Variants in PDE4B observed in about 807,000 individuals in gnomAD.
PDE4B encodes 3',5'-cyclic-AMP phosphodiesterase 4B.
In PDE4B, 20 loss-of-function variants were observed where a neutral mutation model predicts 82.2. The ratio of observed to expected loss-of-function variants is 0.24; its 90% CI spans 0.17 to 0.35. The LOEUF (loss-of-function observed/expected upper bound fraction) is 0.35. Among genes scored for constraint, PDE4B ranks in the 10% least tolerant of loss-of-function variants. PDE4B has a pLI of 1.00. For missense variants in PDE4B, 655 were observed against 907.2 expected (o/e 0.72, Z 3.57); for synonymous variants, 320 against 318.9 (o/e 1.00, Z -0.04).
At chr1:65,842,604 T>C (rs1646220236) in intron 1 of PDE4B, among the ~76,000 whole-genome samples, 1 of 152,140 alleles carries the variant, frequency 6.6e-6, no homozygotes, top group Non-Finnish European at 1.5e-5. Context: ...TCATCCGACT[T>C]GTTATTCCAA....
At chr1:66,013,087 T>C (rs1652575815) in intron 3 of PDE4B, among the ~76,000 whole-genome samples, 1 of 152,176 alleles carries the variant, frequency 6.6e-6, no homozygotes, top group African/African-American at 2.4e-5. Context: ...GTGCTATGAC[T>C]GAATGTGTTC....
chr1:65,887,542 A>G (rs180990735), intron 1 of PDE4B, among the ~76,000 whole-genome samples: 21 of 142,748 alleles, frequency 1.5e-4, no homozygotes, highest in African/African-American at 5.2e-4. Flanking sequence ...CTTAGCCTCC[A>G]GAGTAGCCAG....
intron 1 of PDE4B, among the ~76,000 whole-genome samples, chr1:65,810,575 A>G (rs2101196257): frequency 1.3e-5 from 2 of 152,256 alleles, no homozygotes; most frequent in Middle Eastern, 3.4e-3. Context: ...AGTATGTTCC[A>G]GGTATATAAC....
At chr1:66,366,312 G>A (rs1021438566) in intron 13 of PDE4B, among the ~76,000 whole-genome samples, 20 of 152,254 alleles carry the variant, frequency 1.3e-4, no homozygotes, top group Admixed American at 2.0e-4. Context: ...TATGGATTGG[G>A]AGTAGCAATG....
intron 1 of PDE4B, among the ~76,000 whole-genome samples, chr1:65,879,074 AG>A (rs1646681313): frequency 1.3e-5 from 2 of 152,132 alleles, no homozygotes; most frequent in Admixed American, 6.6e-5. Context: ...AGACACAGAA[AG>A]GTCACACCCT....
chr1:65,820,042 T>C (rs550485055), intron 1 of PDE4B, among the ~76,000 whole-genome samples: 2 of 152,268 alleles, frequency 1.3e-5, no homozygotes, highest in Admixed American at 6.5e-5. Context: ...AGGGGAGTTA[T>C]GGGGGCAACT....
chr1:65,898,251 C>A (rs544546925), intron 1 of PDE4B, among the ~76,000 whole-genome samples: 3 of 151,926 alleles, frequency 2.0e-5, no homozygotes, highest in African/African-American at 7.2e-5. Flanking sequence ...GCATACTTTG[C>A]AAATATTTTC....
At chr1:65,839,622 G>T (rs1316312403) in intron 1 of PDE4B, among the ~76,000 whole-genome samples, 2 of 152,128 alleles carry the variant, frequency 1.3e-5, no homozygotes, top group Non-Finnish European at 2.9e-5. Context: ...TGGCTGCATA[G>T]TATTATATGA....
At chr1:66,056,619 A>G (rs1459937348) in intron 3 of PDE4B, among the ~76,000 whole-genome samples, 1 of 152,106 alleles carries the variant, frequency 6.6e-6, no homozygotes, top group Admixed American at 6.6e-5. Context: ...GAGATGGGTT[A>G]TATGATTGTG....
chr1:65,811,710 C>A (rs1181919226), intron 1 of PDE4B, among the ~76,000 whole-genome samples: 1 of 151,978 alleles, frequency 6.6e-6, no homozygotes, highest in Non-Finnish European at 1.5e-5. Flanking sequence ...CACAAGGTTA[C>A]AAAGTTAAGT....
At chr1:66,088,004 A>G (rs1475004558) in intron 3 of PDE4B, among the ~76,000 whole-genome samples, 3 of 152,036 alleles carry the variant, frequency 2.0e-5, no homozygotes, top group African/African-American at 7.2e-5. Flanking sequence ...TGTACCCTAA[A>G]ACTTAAAGTA....
At chr1:66,286,735 A>C (rs974833105) in intron 7 of PDE4B, among the ~76,000 whole-genome samples, 3 of 152,138 alleles carry the variant, frequency 2.0e-5, no homozygotes, top group Non-Finnish European at 2.9e-5. Context: ...CCTGGTAGCA[A>C]GTGGATGGGG....
chr1:66,228,729 G>A (rs113751521), intron 3 of PDE4B, among the ~76,000 whole-genome samples: 3 of 151,840 alleles, frequency 2.0e-5, no homozygotes, highest in African/African-American at 7.3e-5. Flanking sequence ...ACACGACTCA[G>A]TGTGTCACCA....
At chr1:66,174,536 T>C (rs973295291) in intron 3 of PDE4B, among the ~76,000 whole-genome samples, 2 of 151,960 alleles carry the variant, frequency 1.3e-5, no homozygotes, top group Non-Finnish European at 2.9e-5. Flanking sequence ...GGCGGGCGGA[T>C]CACAAGGTCA....
intron 3 of PDE4B, among the ~76,000 whole-genome samples, chr1:65,982,344 T>C (rs916437438): frequency 2.6e-5 from 4 of 152,214 alleles, no homozygotes; most frequent in African/African-American, 9.6e-5. Flanking sequence ...GGTTTCTCCT[T>C]ACTGTTTATA....
intron 3 of PDE4B, among the ~76,000 whole-genome samples, chr1:66,114,319 AC>A: frequency 6.6e-6 from 1 of 152,196 alleles, no homozygotes; most frequent in East Asian, 1.9e-4. Flanking sequence ...ACCTGAACAG[AC>A]TAAGACATGA....
At chr1:66,280,030 C>T (rs917774230) in intron 7 of PDE4B, among the ~76,000 whole-genome samples, 1 of 152,224 alleles carries the variant, frequency 6.6e-6, no homozygotes, top group Non-Finnish European at 1.5e-5. Context: ...GACCCATCAA[C>T]CAACAACCCC....
At chr1:66,169,311 C>A (rs1646795110) in intron 3 of PDE4B, among the ~76,000 whole-genome samples, 1 of 152,204 alleles carries the variant, frequency 6.6e-6, no homozygotes, top group African/African-American at 2.4e-5. Flanking sequence ...AGAGGCCAGT[C>A]TTCCTGGGCC....
intron 3 of PDE4B, among the ~76,000 whole-genome samples, chr1:66,153,606 G>A (rs941685460): frequency 2.6e-5 from 4 of 152,138 alleles, no homozygotes; most frequent in Non-Finnish European, 1.5e-5. Context: ...AGCTTCTCAG[G>A]AATATGAAGA....
Sources: allele counts gnomAD v4.1 joint callset (sites outside exome capture counted in the v4.1 genomes callset), GRCh38; gene constraint gnomAD v4.1.1; transcripts MANE v1.5; gene names NCBI Gene and HGNC (gene_info 2026-07-23, HGNC 2026-07-21).